The following PDE10A variants were observed in gnomAD, a reference collection of about 807,000 sequenced individuals.
PDE10A encodes cAMP and cAMP-inhibited cGMP 3',5'-cyclic phosphodiesterase 10A.
Under a neutral mutation model 97.7 loss-of-function variants are expected in PDE10A, and 39 were observed. The ratio of observed to expected loss-of-function variants is 0.40; its 90% CI spans 0.31 to 0.52. PDE10A has a LOEUF of 0.52. Among genes scored for constraint, PDE10A ranks in the 20% least tolerant of loss-of-function variants. The probability of loss-of-function intolerance (pLI) is 0.56; values close to 1 mark genes in which losing one functional copy is unlikely to be tolerated. For synonymous variants in PDE10A, 371 were observed against 376.8 expected (o/e 0.98, Z 0.18); for missense variants, 731 against 1,047.8 (o/e 0.70, Z 4.17).
At chr6:165,837,382 C>G (rs962933992) in intron 1 of PDE10A, among the ~76,000 whole-genome samples, 67 of 152,314 alleles carry the variant, frequency 4.4e-4, no homozygotes, top group African/African-American at 1.5e-3. Context: ...ATCGTCTATT[C>G]TTTCCTCTGT....
chr6:165,481,767 T>C (rs1300720684), intron 3 of PDE10A, among the ~76,000 whole-genome samples: 2 of 152,158 alleles, frequency 1.3e-5, no homozygotes, highest in East Asian at 3.9e-4. Flanking sequence ...AAACAGTACC[T>C]TTAATATTTA....
chr6:165,502,178 A>G (rs1331778419), intron 2 of PDE10A, among the ~76,000 whole-genome samples: 1 of 152,228 alleles, frequency 6.6e-6, no homozygotes, highest in Non-Finnish European at 1.5e-5. Context: ...AATGTGTATA[A>G]GAAAACAGGA....
chr6:165,497,889 T>C (rs927757129), intron 2 of PDE10A, among the ~76,000 whole-genome samples: 2 of 152,212 alleles, frequency 1.3e-5, no homozygotes, highest in Non-Finnish European at 2.9e-5. Context: ...TGTCGACATT[T>C]GAGGCAGTAT....
chr6:165,661,615 G>C lies in PDE10A; in HGVS notation c.865+332C>G. 3.2e-6 allele frequency: 1 copy of C among 312,450 alleles called. No homozygotes were observed. The highest frequency in any genetic ancestry group is 6.5e-5 in the East Asian group (1 of 15,322). 19.4% of individuals were successfully genotyped at this position (312,450 alleles called of 1,614,324 possible). On this transcript the variant is annotated intron_variant, in intron 1 of 21. Transcript: ENST00000539869. The surrounding 1 kb of genome is among the most constrained non-coding windows in gnomAD (Gnocchi z 4.8). ...CAAAGTTGAGTATAAATACGCGCCG[G>C]ACAAGTGTGGCCAGAAACGGCACGA...
chr6:165,928,931 G>T (rs1783033664), intron 1 of PDE10A, among the ~76,000 whole-genome samples: 2 of 152,178 alleles, frequency 1.3e-5, no homozygotes, highest in South Asian at 4.1e-4. Flanking sequence ...GCTGGGATGA[G>T]AGACGAAGAA....
chr6:165,780,163 A>T (rs1400275630), intron 1 of PDE10A: 2 of 152,248 alleles, frequency 1.3e-5, no homozygotes, highest in Non-Finnish European at 2.9e-5. Context: ...AATTTAATAA[A>T]TAAAAATACT....
intron 2 of PDE10A, among the ~76,000 whole-genome samples, chr6:165,496,864 A>G (rs1030974251): frequency 1.3e-5 from 2 of 152,316 alleles, no homozygotes; most frequent in East Asian, 1.9e-4. Flanking sequence ...TTCCAAAATC[A>G]GTTTATTTTT....
At chr6:165,663,822 C>T (rs1024911496), upstream of PDE10A, among the ~76,000 whole-genome samples, 2 of 152,222 alleles carry the variant, frequency 1.3e-5, no homozygotes, top group Admixed American at 6.5e-5. Flanking sequence ...CCTGAGACCG[C>T]CTTGCCATAT....
At chr6:165,386,888 C>T (rs1314633317) in intron 17 of PDE10A, among the ~76,000 whole-genome samples, 1 of 150,444 alleles carries the variant, frequency 6.6e-6, no homozygotes, top group Non-Finnish European at 1.5e-5. Context: ...TGGTGGTGGG[C>T]TCCTGTAGTT....
intron 3 of PDE10A, among the ~76,000 whole-genome samples, chr6:165,454,749 G>C (rs890739571): frequency 1.3e-5 from 2 of 152,076 alleles, no homozygotes; most frequent in Non-Finnish European, 2.9e-5. Flanking sequence ...TAGTATTCCG[G>C]TATAGCAACA....
At chr6:165,421,804 G>A (rs563707036) in intron 10 of PDE10A, among the ~76,000 whole-genome samples, 3 of 152,244 alleles carry the variant, frequency 2.0e-5, no homozygotes, top group Admixed American at 1.3e-4. Flanking sequence ...GGCTCACGCT[G>A]TACTTCCAGC....
intron 1 of PDE10A, among the ~76,000 whole-genome samples, chr6:165,681,773 G>A (rs1790984772): frequency 6.6e-6 from 1 of 152,180 alleles, no homozygotes; most frequent in South Asian, 2.1e-4. Flanking sequence ...TACCCTGAAT[G>A]GGTTGGTTTT....
intron 1 of PDE10A, among the ~76,000 whole-genome samples, chr6:165,579,837 C>T (rs1689494939): frequency 6.6e-6 from 1 of 152,136 alleles, no homozygotes; most frequent in Non-Finnish European, 1.5e-5. Flanking sequence ...CTAGCTTGTG[C>T]CTCTGCCTGG....
At chr6:165,749,182 T>TATCACA (rs1161005875) in intron 1 of PDE10A, among the ~76,000 whole-genome samples, 153 of 1,772 alleles carry the variant, frequency 0.086, 41 homozygotes, top group African/African-American at 0.19. Flanking sequence ...CCATTAACAC[T>TATCACA]ATCACTGTCA....
intron 1 of PDE10A, among the ~76,000 whole-genome samples, chr6:165,605,628 GTGAATCTTCCAC>G (rs1324615811): frequency 2.6e-5 from 4 of 151,948 alleles, no homozygotes; most frequent in Non-Finnish European, 5.9e-5. Context: ...TGTGCTCTCG[GTGAATCTTCCAC>G]TGAAGCAACA....
intron 1 of PDE10A, among the ~76,000 whole-genome samples, chr6:165,778,895 A>G (rs952538724): frequency 1.3e-5 from 2 of 152,172 alleles, no homozygotes; most frequent in African/African-American, 2.4e-5. Flanking sequence ...TGATTTTAAG[A>G]GTCCTTTATG....
chr6:165,981,315 A>C (rs80052532), intron 1 of PDE10A, among the ~76,000 whole-genome samples: 3,494 of 151,714 alleles, frequency 0.023, 119 homozygotes, highest in African/African-American at 0.073. Flanking sequence ...TCAGATGAAT[A>C]ATTACCCCTC....
chr6:165,341,759 T>G (rs954360570), intron 19 of PDE10A, among the ~76,000 whole-genome samples: 3 of 152,186 alleles, frequency 2.0e-5, no homozygotes, highest in Non-Finnish European at 4.4e-5. Flanking sequence ...GTATAGGTGC[T>G]ATGGTGTTAC....
chr6:165,502,595 G>A (rs1224216131), intron 2 of PDE10A, among the ~76,000 whole-genome samples: 1 of 152,216 alleles, frequency 6.6e-6, no homozygotes, highest in Non-Finnish European at 1.5e-5. Flanking sequence ...TTAAAAGAAT[G>A]TGAAGCAATG....
Sources: gnomAD v4.1 joint callset for allele counts (sites outside exome capture counted in the v4.1 genomes callset) on GRCh38, gnomAD v4.1.1 for gene constraint, Gnocchi (gnomAD v3.1) non-coding constraint, MANE v1.5 for transcripts, NCBI Gene and HGNC (gene_info 2026-07-23, HGNC 2026-07-21) for gene names.